DTNB: variants seen among roughly 807,000 people sequenced by gnomAD.
The protein encoded by DTNB is DTN-B.
A neutral mutation model predicts 90.7 loss-of-function variants in DTNB; 63 were observed. That is an observed-to-expected ratio of 0.69 (90% CI 0.57 to 0.86). The LOEUF (loss-of-function observed/expected upper bound fraction) is 0.86, where lower values mean the gene tolerates loss of function less well. DTNB is among the 40% of genes least tolerant of loss of function. DTNB has a pLI of 0.00. For missense variants in DTNB, 744 were observed against 807.1 expected (o/e 0.92, Z 0.95); for synonymous variants, 277 against 286.7 (o/e 0.97, Z 0.34).
intron 12 of DTNB, among the ~76,000 whole-genome samples, chr2:25,444,789 T>G (rs1301948415): frequency 6.6e-6 from 1 of 152,124 alleles, no homozygotes; most frequent in Non-Finnish European, 1.5e-5. Flanking sequence ...TGGCAGGTTA[T>G]AAATAAATTC....
intron 9 of DTNB, among the ~76,000 whole-genome samples, chr2:25,497,818 G>A (rs2069326883): frequency 6.6e-6 from 1 of 152,088 alleles, no homozygotes. Context: ...TATCCCCACT[G>A]CCACCATCAC....
At chr2:25,554,014 T>C (rs1181056105) in intron 8 of DTNB, among the ~76,000 whole-genome samples, 2 of 152,108 alleles carry the variant, frequency 1.3e-5, no homozygotes, top group Admixed American at 6.5e-5. Context: ...AGATCTGTCA[T>C]GATAGCCAAT....
intron 19 of DTNB, among the ~76,000 whole-genome samples, chr2:25,382,703 A>G (rs148746268): frequency 0.016 from 2,479 of 151,426 alleles, 42 homozygotes; most frequent in Non-Finnish European, 0.028. Flanking sequence ...TTATTTTTGT[A>G]TTTTTAGTAG....
chr2:25,414,927 C>G (rs1017895212), intron 16 of DTNB, among the ~76,000 whole-genome samples: 23 of 152,082 alleles, frequency 1.5e-4, no homozygotes, highest in African/African-American at 5.1e-4. Context: ...ATGGGCTGAA[C>G]AGTCACTCAG....
chr2:25,390,076 C>A (rs2040676022), intron 16 of DTNB, among the ~76,000 whole-genome samples: 1 of 152,104 alleles, frequency 6.6e-6, no homozygotes, highest in Non-Finnish European at 1.5e-5. Flanking sequence ...AGAGGCAACC[C>A]CTATCAAAAT....
intron 8 of DTNB, among the ~76,000 whole-genome samples, chr2:25,560,725 G>A (rs980614501): frequency 7.2e-5 from 11 of 152,106 alleles, no homozygotes; most frequent in Admixed American, 4.6e-4. Context: ...ACAGACATGC[G>A]CGTGCCCACC....
chr2:25,431,608 C>T (rs917545213), intron 14 of DTNB, among the ~76,000 whole-genome samples: 6 of 152,234 alleles, frequency 3.9e-5, no homozygotes, highest in African/African-American at 1.4e-4. Flanking sequence ...CCTGCTACTA[C>T]ATCTAAGATA....
chr2:25,488,628 G>A (rs2066701545), intron 9 of DTNB, among the ~76,000 whole-genome samples: 1 of 152,130 alleles, frequency 6.6e-6, no homozygotes, highest in African/African-American at 2.4e-5. Flanking sequence ...TCAGTATTCT[G>A]AACACTAAAA....
intron 1 of DTNB, among the ~76,000 whole-genome samples, chr2:25,658,699 A>T (rs762509436): frequency 9.9e-5 from 15 of 152,210 alleles, no homozygotes; most frequent in Non-Finnish European, 8.8e-5. Flanking sequence ...CAATTTTATG[A>T]CCTTCTAGAT....
At chr2:25,421,114 C>T (rs919311908) in intron 15 of DTNB, 1 of 152,178 alleles carries the variant, frequency 6.6e-6, no homozygotes, top group African/African-American at 2.4e-5. Context: ...ATGTACGTGC[C>T]TAGGAAGTCT....
At chr2:25,473,830 C>CTTGTCTTCA (rs1181843333) in intron 10 of DTNB, among the ~76,000 whole-genome samples, 1 of 152,190 alleles carries the variant, frequency 6.6e-6, no homozygotes, top group African/African-American at 2.4e-5. Context: ...ATTTACAAAG[C>CTTGTCTTCA]TTGTCTTCAC....
chr2:25,456,351 G>T (rs2060028270), intron 10 of DTNB, among the ~76,000 whole-genome samples: 1 of 152,114 alleles, frequency 6.6e-6, no homozygotes, highest in African/African-American at 2.4e-5. Context: ...ACATCTATCA[G>T]ATAGTAAAAA....
At chr2:25,546,325 A>AGT (rs1367955560) in intron 8 of DTNB, among the ~76,000 whole-genome samples, 4 of 152,326 alleles carry the variant, frequency 2.6e-5, no homozygotes, top group Non-Finnish European at 5.9e-5. Context: ...GCATCTCCCC[A>AGT]GTGTGCAAAC....
intron 12 of DTNB, among the ~76,000 whole-genome samples, chr2:25,444,565 T>C (rs1387049450): frequency 6.6e-6 from 1 of 151,142 alleles, no homozygotes; most frequent in Non-Finnish European, 1.5e-5. Context: ...ATGTAGGCAC[T>C]TCAGGAAAAC....
intron 16 of DTNB, among the ~76,000 whole-genome samples, chr2:25,396,731 T>TAAAAAAAAAAAAAAA (rs35592591): frequency 6.8e-5 from 6 of 87,620 alleles, no homozygotes; most frequent in Admixed American, 2.6e-4. Context: ...TAAAAGGAAC[T>TAAAAAAAAAAAAAAA]AAAAAAAAAA....
At chr2:25,466,203 G>A (rs1457086169) in intron 10 of DTNB, among the ~76,000 whole-genome samples, 8 of 152,160 alleles carry the variant, frequency 5.3e-5, no homozygotes, top group Admixed American at 3.9e-4. Context: ...GGGCGTAGTG[G>A]TGCGTGCCTG....
chr2:25,382,983 C>T (rs533711840), intron 19 of DTNB, among the ~76,000 whole-genome samples: 1 of 152,272 alleles, frequency 6.6e-6, no homozygotes, highest in East Asian at 1.9e-4. Context: ...TCCCAGATGT[C>T]ATGTGTTAAG....
At chr2:25,609,511 T>A (rs979560980) in intron 4 of DTNB, among the ~76,000 whole-genome samples, 1 of 150,996 alleles carries the variant, frequency 6.6e-6, no homozygotes, top group Admixed American at 6.6e-5. Flanking sequence ...GGCAGGAAAA[T>A]TGCTTGAACC....
intron 16 of DTNB, among the ~76,000 whole-genome samples, chr2:25,414,411 C>T (rs1224723952): frequency 4.6e-5 from 7 of 152,166 alleles, no homozygotes; most frequent in South Asian, 2.1e-4. Flanking sequence ...TGCACAACCA[C>T]GCCCGGCTAA....
Sources: allele counts gnomAD v4.1 joint callset (sites outside exome capture counted in the v4.1 genomes callset), GRCh38; gene constraint gnomAD v4.1.1; transcripts MANE v1.5; gene names NCBI Gene and HGNC (gene_info 2026-07-23, HGNC 2026-07-21).